The following NTM variants were observed in gnomAD, a reference collection of about 807,000 sequenced individuals.
The protein encoded by NTM is neurotrimin.
In NTM, 13 loss-of-function variants were observed where a neutral mutation model predicts 42.1. The observed-to-expected ratio is 0.31, with a 90% confidence interval of 0.20 to 0.49. NTM has a LOEUF of 0.49. Ranked by LOEUF, NTM falls within the 20% of genes least tolerant of loss-of-function variation. NTM has a pLI of 0.99. For missense variants in NTM, 373 were observed against 452.8 expected, an observed-to-expected ratio of 0.82 and a Z score of 1.60; for synonymous variants, 187 against 179.2, an observed-to-expected ratio of 1.04 and a Z score of -0.35.
At chr11:131,691,732 C>T (rs1307104592) in intron 1 of NTM, among the ~76,000 whole-genome samples, 2 of 152,178 alleles carry the variant, frequency 1.3e-5, no homozygotes, top group Non-Finnish European at 2.9e-5. Context: ...CTTTCCGCGG[C>T]GCGGGGCTGA....
At chr11:131,513,685 C>T (rs1414291382) in intron 1 of NTM, among the ~76,000 whole-genome samples, 1 of 152,178 alleles carries the variant, frequency 6.6e-6, no homozygotes, top group Admixed American at 6.5e-5. Flanking sequence ...TATCTTTTAG[C>T]AGTGTGATAA....
chr11:131,396,787 T>C (rs974236196), intron 1 of NTM, among the ~76,000 whole-genome samples: 1 of 152,002 alleles, frequency 6.6e-6, no homozygotes, highest in Non-Finnish European at 1.5e-5. Flanking sequence ...TGAGCTGAGA[T>C]TGTGCCACTG....
At chr11:131,961,826 T>C (rs6590608) in intron 2 of NTM, among the ~76,000 whole-genome samples, 42,717 of 152,072 alleles carry the variant, frequency 0.28, 6,307 homozygotes, top group Middle Eastern at 0.44. Flanking sequence ...AGATCACCTT[T>C]TGTCAGGAGT....
chr11:131,484,760 T>G (rs974110205), intron 1 of NTM, among the ~76,000 whole-genome samples: 1 of 152,198 alleles, frequency 6.6e-6, no homozygotes, highest in African/African-American at 2.4e-5. Context: ...TCTTCCTTCA[T>G]TCACTCCTCA....
chr11:131,861,323 C>A (rs571261706), intron 1 of NTM, among the ~76,000 whole-genome samples: 30 of 152,286 alleles, frequency 2.0e-4, no homozygotes, highest in African/African-American at 7.0e-4. Context: ...TTTCAAGCAG[C>A]CTTTCTAAAT....
At chr11:132,087,735 A>T (rs867403093) in intron 2 of NTM, among the ~76,000 whole-genome samples, 3 of 147,870 alleles carry the variant, frequency 2.0e-5, no homozygotes, top group Non-Finnish European at 4.5e-5. Context: ...GAGCAAAGGG[A>T]AAAAAAAAAG....
At chr11:131,746,821 G>T (rs914905780) in intron 1 of NTM, among the ~76,000 whole-genome samples, 3 of 152,004 alleles carry the variant, frequency 2.0e-5, no homozygotes, top group African/African-American at 7.2e-5. Context: ...AAAAGGCAGC[G>T]ATGTCAACAA....
chr11:131,800,649 C>T (rs561542136), intron 1 of NTM, among the ~76,000 whole-genome samples: 43 of 152,318 alleles, frequency 2.8e-4, no homozygotes, highest in African/African-American at 1.0e-3. Flanking sequence ...CAGCTTGACT[C>T]CCCTGCTGCT....
intron 2 of NTM, among the ~76,000 whole-genome samples, chr11:132,126,225 G>A (rs768964436): frequency 6.6e-6 from 1 of 152,162 alleles, no homozygotes; most frequent in African/African-American, 2.4e-5. Context: ...CAAGAACGCT[G>A]TGAACAATAG....
chr11:131,394,783 C>G (rs1354597904), intron 1 of NTM, among the ~76,000 whole-genome samples: 1 of 152,162 alleles, frequency 6.6e-6, no homozygotes, highest in Non-Finnish European at 1.5e-5. Flanking sequence ...GGAAATCAGG[C>G]CTGTGTGCAT....
chr11:132,282,342 G>A (rs1050259410), intron 4 of NTM, among the ~76,000 whole-genome samples: 1 of 152,192 alleles, frequency 6.6e-6, no homozygotes, highest in Non-Finnish European at 1.5e-5. Flanking sequence ...GAGCTCTTTA[G>A]GGAATAGCTT....
intron 4 of NTM, among the ~76,000 whole-genome samples, chr11:132,260,485 G>A (rs1268135113): frequency 6.6e-6 from 1 of 152,060 alleles, no homozygotes; most frequent in Non-Finnish European, 1.5e-5. Flanking sequence ...TTGGACAGAG[G>A]TGCTTCAAAA....
At chr11:132,050,923 C>T (rs764440021) in intron 2 of NTM, among the ~76,000 whole-genome samples, 1 of 152,190 alleles carries the variant, frequency 6.6e-6, no homozygotes, top group African/African-American at 2.4e-5. Context: ...CATAACTATG[C>T]CTGCCTTGTA....
Position 131,851,536 on chromosome 11 carries a change from T to G in NTM, c.83-60028T>G, listed in dbSNP as rs10894460. 2.6e-3 allele frequency among the ~76,000 whole-genome samples: 175 copies of G among 68,442 alleles called. 4 individuals are homozygous for G. Among genetic ancestry groups the G allele is most frequent in the Non-Finnish European group, 2.3e-3 (51 of 22,040 alleles). 44.9% of individuals were successfully genotyped at this position (68,442 alleles called of 152,430 possible). A position where few individuals can be genotyped will look rare whatever the true frequency, so the allele number is the denominator to read the frequency against. ...CACATGCCCTGGTGAGAATGGCGTG[T>G]GTGTGTGTGTGTGTGTGTGTGTGTG... On this transcript the variant is annotated intron_variant, in intron 1 of 8. Coordinates refer to ENST00000683400, the MANE Select transcript of NTM (RefSeq NM_001352005.2).
intron 4 of NTM, among the ~76,000 whole-genome samples, chr11:132,289,728 T>A (rs2094388477): frequency 6.6e-6 from 1 of 152,194 alleles, no homozygotes; most frequent in East Asian, 1.9e-4. Flanking sequence ...AGTATTTTTT[T>A]AGAGTTTTAG....
chr11:132,121,413 C>T (rs1425964266), intron 2 of NTM, among the ~76,000 whole-genome samples: 1 of 151,950 alleles, frequency 6.6e-6, no homozygotes, highest in African/African-American at 2.4e-5. Context: ...TCGTATAAGA[C>T]TCCTGGGGTC....
chr11:131,733,781 A>G (rs1323859287), intron 1 of NTM, among the ~76,000 whole-genome samples: 2 of 152,032 alleles, frequency 1.3e-5, no homozygotes, highest in African/African-American at 4.8e-5. Flanking sequence ...CAAGTGATCC[A>G]CCTGCCTCGG....
At chr11:132,176,506 T>G (rs1166018008) in intron 3 of NTM, among the ~76,000 whole-genome samples, 1 of 152,118 alleles carries the variant, frequency 6.6e-6, no homozygotes, top group Non-Finnish European at 1.5e-5. Flanking sequence ...AAATTCTAAA[T>G]TAGGTTATGC....
At chr11:131,758,431 T>C (rs2083630977) in intron 1 of NTM, among the ~76,000 whole-genome samples, 1 of 152,126 alleles carries the variant, frequency 6.6e-6, no homozygotes, top group Non-Finnish European at 1.5e-5. Context: ...CCAAAGCTCT[T>C]TTAATGAGAG....
Sources: gnomAD v4.1 joint callset for allele counts (sites outside exome capture counted in the v4.1 genomes callset) on GRCh38, gnomAD v4.1.1 for gene constraint, MANE v1.5 for transcripts, NCBI Gene and HGNC (gene_info 2026-07-23, HGNC 2026-07-21) for gene names.